Variants in UTRN observed in about 807,000 individuals in gnomAD.
The protein encoded by UTRN is dystrophin-related protein 1.
Under a neutral mutation model 463.9 loss-of-function variants are expected in UTRN, and 283 were observed. The ratio of observed to expected loss-of-function variants is 0.61; its 90% CI spans 0.55 to 0.67. UTRN has a LOEUF of 0.67. UTRN is among the 30% of genes least tolerant of loss of function. The probability of loss-of-function intolerance (pLI) is 0.00; values close to 1 mark genes in which losing one functional copy is unlikely to be tolerated. For synonymous variants in UTRN, 1,442 were observed against 1,431.5 expected, an observed-to-expected ratio of 1.01 and a Z score of -0.17; for missense variants, 3,922 against 4,084.3, an observed-to-expected ratio of 0.96 and a Z score of 1.08.
chr6:144,356,990 A>G (rs1248441087), intron 2 of UTRN, among the ~76,000 whole-genome samples: 1 of 152,062 alleles, frequency 6.6e-6, no homozygotes, highest in Non-Finnish European at 1.5e-5. Context: ...TTTTTTTGTA[A>G]GATTTACTCA....
intron 3 of UTRN, 69 bp downstream of exon 3, chr6:144,403,253 G>A: frequency 1.4e-6 from 2 of 1,428,406 alleles, no homozygotes; most frequent in South Asian, 1.2e-5. Context: ...TTGGTTGGAA[G>A]TGCAGTGAAT....
At chr6:144,302,374 G>T (rs1285949206) in intron 2 of UTRN, among the ~76,000 whole-genome samples, 1 of 152,104 alleles carries the variant, frequency 6.6e-6, no homozygotes, top group African/African-American at 2.4e-5. Flanking sequence ...AGCCAGGCGT[G>T]GTGGCACTCA....
chr6:144,515,843 A>G (rs571192191), intron 37 of UTRN, among the ~76,000 whole-genome samples: 1 of 152,312 alleles, frequency 6.6e-6, no homozygotes, highest in South Asian at 2.1e-4. Flanking sequence ...ACTGGGAGAC[A>G]TTCTGTGAGG....
At chr6:144,602,704 A>G (rs1236437563) in intron 51 of UTRN, among the ~76,000 whole-genome samples, 1 of 152,150 alleles carries the variant, frequency 6.6e-6, no homozygotes, top group African/African-American at 2.4e-5. Flanking sequence ...ACAATCACAA[A>G]CAAGCACTAC....
At chr6:144,682,707 C>A (rs113129840) in intron 52 of UTRN, among the ~76,000 whole-genome samples, 1 of 151,866 alleles carries the variant, frequency 6.6e-6, no homozygotes, top group African/African-American at 2.4e-5. Flanking sequence ...TAGCTAAAGG[C>A]GTAAATGATC....
chr6:144,332,891 G>A (rs1776437373), intron 2 of UTRN, among the ~76,000 whole-genome samples: 1 of 150,928 alleles, frequency 6.6e-6, no homozygotes, highest in Admixed American at 6.6e-5. Flanking sequence ...ATGTTCTCAT[G>A]CTGATATTAA....
intron 51 of UTRN, among the ~76,000 whole-genome samples, chr6:144,649,193 G>A (rs1408366291): frequency 6.6e-6 from 1 of 152,124 alleles, no homozygotes; most frequent in Non-Finnish European, 1.5e-5. Flanking sequence ...CAAAACACGA[G>A]GAGGCTATTA....
chr6:144,355,277 G>A (rs1172758403), intron 2 of UTRN, among the ~76,000 whole-genome samples: 5 of 151,806 alleles, frequency 3.3e-5, no homozygotes, highest in South Asian at 2.1e-4. Context: ...GTCCAATCTC[G>A]GCTCACTGCA....
intron 51 of UTRN, among the ~76,000 whole-genome samples, chr6:144,605,638 C>A (rs570289790): frequency 1.6e-4 from 24 of 150,472 alleles, no homozygotes; most frequent in African/African-American, 5.8e-4. Flanking sequence ...CTATTTCTTG[C>A]AGCTAATCTC....
intron 51 of UTRN, among the ~76,000 whole-genome samples, chr6:144,607,475 G>A (rs568407970): frequency 6.6e-6 from 1 of 152,170 alleles, no homozygotes; most frequent in East Asian, 1.9e-4. Flanking sequence ...CTTTTACCAT[G>A]GAAATAAGTT....
intron 51 of UTRN, among the ~76,000 whole-genome samples, chr6:144,634,217 G>A (rs1259184564): frequency 1.3e-5 from 2 of 152,218 alleles, no homozygotes; most frequent in African/African-American, 2.4e-5. Context: ...TAGCTCATGA[G>A]AACTTGGGTT....
At chr6:144,637,641 TA>T (rs1302071683) in intron 51 of UTRN, among the ~76,000 whole-genome samples, 4,915 of 143,722 alleles carry the variant, frequency 0.034, 218 homozygotes, top group African/African-American at 0.11. Flanking sequence ...ACACGTTGTT[TA>T]AAAAAAAAAA....
chr6:144,547,394 T>A (rs1798512258), intron 46 of UTRN, among the ~76,000 whole-genome samples: 1 of 152,194 alleles, frequency 6.6e-6, no homozygotes, highest in African/African-American at 2.4e-5. Flanking sequence ...ATTAATAGCT[T>A]CCCTTTTTTG....
chr6:144,312,336 A>G (rs1370875101), intron 2 of UTRN, among the ~76,000 whole-genome samples: 2 of 151,580 alleles, frequency 1.3e-5, no homozygotes, highest in Admixed American at 1.3e-4. Flanking sequence ...AGGCAGGAGA[A>G]TGGTGTGAAC....
Position 144,610,342 on chromosome 6 carries a change from A to G in UTRN, c.7479+33054A>G, listed in dbSNP as rs989015171. ...ATAGAAGAAATGAATAAATTTCTAGACACACACAACCTATCAAGATTAATC... is the reference window on the plus strand; with the variant it reads ...ATAGAAGAAATGAATAAATTTCTAGGCACACACAACCTATCAAGATTAATC... On this transcript the variant is annotated intron_variant, in intron 51 of 74. Coordinates refer to ENST00000367545, the MANE Select transcript of UTRN (RefSeq NM_007124.3). Among the ~76,000 whole-genome samples, 5 of 152,266 alleles carry G rather than the reference A, an allele frequency of 3.3e-5. No homozygotes were observed. The East Asian group carries it at 9.6e-4, about 29-fold the overall frequency.
At position 144,769,663 on chromosome 6, in the gene UTRN, A is replaced by G. The variant is rs370918096; in HGVS notation, c.8496-2244A>G. ...GAGAAAGCATATTTGTTGTTTAAGT[A>G]TAACGTCTGGCTCTACATTACCGAT... On this transcript the variant is annotated intron_variant, in intron 58 of 74. Transcript: ENST00000367545. Among the ~76,000 whole-genome samples, 56 of 152,328 alleles carry G rather than the reference A, an allele frequency of 3.7e-4. No homozygotes were observed. In the South Asian group the frequency reaches 0.011, roughly 30 times the overall value.
intron 50 of UTRN, among the ~76,000 whole-genome samples, chr6:144,564,118 T>C (rs1800178033): frequency 6.6e-6 from 1 of 152,188 alleles, no homozygotes; most frequent in East Asian, 1.9e-4. Context: ...ATACACCTCA[T>C]TCCTGCTCCC....
At chr6:144,308,805 A>G (rs927611898) in intron 2 of UTRN, among the ~76,000 whole-genome samples, 3 of 152,170 alleles carry the variant, frequency 2.0e-5, no homozygotes, top group South Asian at 2.1e-4. Context: ...CAAACATGCT[A>G]TTGTTTTTCT....
At chr6:144,845,748 C>G (rs1294940503) in intron 73 of UTRN, among the ~76,000 whole-genome samples, 1 of 152,128 alleles carries the variant, frequency 6.6e-6, no homozygotes, top group Non-Finnish European at 1.5e-5. Flanking sequence ...GAGGTCCACT[C>G]TTTTCTCCTG....
Sources: allele counts gnomAD v4.1 joint callset (sites outside exome capture counted in the v4.1 genomes callset), GRCh38; gene constraint gnomAD v4.1.1; transcripts MANE v1.5; gene names NCBI Gene and HGNC (gene_info 2026-07-23, HGNC 2026-07-21).